Variants in COL22A1 observed in about 807,000 individuals in gnomAD.
COL22A1 encodes collagen type XXII alpha 1 chain.
In COL22A1, 221 loss-of-function variants were observed where a neutral mutation model predicts 248.9. That is an observed-to-expected ratio of 0.89 (90% CI 0.80 to 0.99). The LOEUF is 0.99. COL22A1 is among the 50% of genes least tolerant of loss of function. COL22A1 has a pLI of 0.00. For missense variants in COL22A1, 2,240 were observed against 2,179.0 expected (o/e 1.03, Z -0.56); for synonymous variants, 891 against 793.4 (o/e 1.12, Z -2.07).
intron 55 of COL22A1, among the ~76,000 whole-genome samples, chr8:138,615,465 A>C (rs1203468466): frequency 1.3e-5 from 2 of 150,256 alleles, no homozygotes; most frequent in Non-Finnish European, 2.9e-5. Context: ...CTGAAGGCAG[A>C]GGTTACAGTA....
At chr8:138,748,674 C>T (rs993903262) in intron 22 of COL22A1, among the ~76,000 whole-genome samples, 1 of 152,150 alleles carries the variant, frequency 6.6e-6, no homozygotes, top group African/African-American at 2.4e-5. Context: ...TGTTTTATTC[C>T]TCAAATCTCC....
At chr8:138,720,624 GCCAGGT>G in intron 27 of COL22A1, 109 bp downstream of exon 27, 1 of 859,990 alleles carries the variant, frequency 1.2e-6, no homozygotes, top group South Asian at 1.4e-5. Context: ...TGTGTCTCCT[GCCAGGT>G]CCCAGCTGAT....
chr8:138,656,986 CAGGTAACACG>C lies in COL22A1; in HGVS notation c.3286-1052_3286-1043del, dbSNP rs1823323989. On this transcript the variant is annotated intron_variant, in intron 44 of 64. Coordinates refer to ENST00000303045, the MANE Select transcript of COL22A1 (RefSeq NM_152888.3). ...TCCTGTGGTTAGCAAAACCATGAAA[CAGGTAACACG>C]AGTTTGTTCAAGGTAACTGCTGCAG... Among the ~76,000 whole-genome samples, 7 of 152,286 alleles carry C rather than the reference CAGGTAACACG, an allele frequency of 4.6e-5. No homozygotes were observed. In the South Asian group the frequency reaches 1.5e-3, roughly 32 times the overall value.
intron 53 of COL22A1, among the ~76,000 whole-genome samples, chr8:138,619,233 CTT>C (rs2131930257): frequency 6.6e-6 from 1 of 152,250 alleles, no homozygotes; most frequent in South Asian, 2.1e-4. Context: ...ACATAGAAAA[CTT>C]TGAGCAACAA....
At chr8:138,673,507 C>A (rs1825234334) in intron 41 of COL22A1, among the ~76,000 whole-genome samples, 1 of 152,186 alleles carries the variant, frequency 6.6e-6, no homozygotes, top group Non-Finnish European at 1.5e-5. Flanking sequence ...CCATGCCCGG[C>A]CCCAGCCGGA....
intron 2 of COL22A1, among the ~76,000 whole-genome samples, chr8:138,882,776 C>T (rs1312639172): frequency 1.3e-5 from 2 of 151,894 alleles, no homozygotes; most frequent in East Asian, 3.9e-4. Flanking sequence ...TCGCACACTT[C>T]AAACTCCCAC....
At chr8:138,650,699 TAGATAGATAGATAGATAGAC>T (rs1184684759) in intron 45 of COL22A1, among the ~76,000 whole-genome samples, 1 of 149,236 alleles carries the variant, frequency 6.7e-6, no homozygotes, top group African/African-American at 2.5e-5. Flanking sequence ...GATAGATAGA[TAGATAGATAGATAGATAGAC>T]AGATAGACAG....
intron 2 of COL22A1, among the ~76,000 whole-genome samples, chr8:138,881,212 G>A (rs1824177735): frequency 2.0e-5 from 3 of 150,296 alleles, no homozygotes; most frequent in South Asian, 2.1e-4. Flanking sequence ...GGCTAGATGG[G>A]CACAGAAATC....
chr8:138,769,706 G>T (rs1834205826), intron 16 of COL22A1, among the ~76,000 whole-genome samples: 1 of 152,158 alleles, frequency 6.6e-6, no homozygotes, highest in African/African-American at 2.4e-5. Context: ...GCATCTGTAG[G>T]CACCCAGCAC....
At chr8:138,887,283 G>T (rs1301125841) in intron 1 of COL22A1, among the ~76,000 whole-genome samples, 5 of 150,780 alleles carry the variant, frequency 3.3e-5, no homozygotes. Flanking sequence ...GGAGTGCAGT[G>T]GTGCCATCTC....
intron 37 of COL22A1, among the ~76,000 whole-genome samples, chr8:138,686,359 C>T (rs969765585): frequency 2.6e-5 from 4 of 152,286 alleles, no homozygotes; most frequent in East Asian, 1.9e-4. Context: ...GGTTGAGCCC[C>T]GCGAACCAGA....
At chr8:138,876,080 C>T (rs1443034438) in intron 3 of COL22A1, among the ~76,000 whole-genome samples, 1 of 152,190 alleles carries the variant, frequency 6.6e-6, no homozygotes, top group East Asian at 1.9e-4. Flanking sequence ...CGCATAAACC[C>T]TCCAGCATGT....
intron 11 of COL22A1, among the ~76,000 whole-genome samples, chr8:138,798,287 A>G (rs891087681): frequency 4.0e-5 from 6 of 151,688 alleles, no homozygotes; most frequent in Admixed American, 3.9e-4. Context: ...ATATAATTAG[A>G]TTTATATATG....
chr8:138,653,715 G>A, intron 45 of COL22A1, among the ~76,000 whole-genome samples: 1 of 152,036 alleles, frequency 6.6e-6, no homozygotes, highest in East Asian at 1.9e-4. Context: ...AACTCTCTGG[G>A]GCAGAGACAA....
intron 23 of COL22A1, among the ~76,000 whole-genome samples, chr8:138,737,241 T>C (rs1483562115): frequency 6.6e-6 from 1 of 152,138 alleles, no homozygotes; most frequent in African/African-American, 2.4e-5. Context: ...CCCCTTCGCC[T>C]CCCAGCACTT....
intron 22 of COL22A1, among the ~76,000 whole-genome samples, chr8:138,746,450 G>A (rs1832118412): frequency 6.6e-6 from 1 of 152,234 alleles, no homozygotes; most frequent in African/African-American, 2.4e-5. Flanking sequence ...CGACTGAACA[G>A]GAAGCTGCTT....
At position 138,804,113 on chromosome 8, in the gene COL22A1, A is replaced by C. The variant is rs540513128; in HGVS notation, c.1495-1179T>G. ...TTTCCTGCTCCCTTCCCCCTGGCCT[A>C]TGAGTCCTGGGGACCAGGCTCTCAG... On this transcript the variant is annotated intron_variant, in intron 10 of 64. Transcript: ENST00000303045. Among the ~76,000 whole-genome samples, 5 of 152,192 alleles carry C rather than the reference A, an allele frequency of 3.3e-5. No individual in the cohort carries two copies. In the East Asian group the frequency reaches 9.7e-4, roughly 29 times the overall value.
chr8:138,652,735 GTTTTTTTTTTTTTTT>G lies in COL22A1; in HGVS notation c.3334-2972_3334-2958del, dbSNP rs71316352. Among the ~76,000 whole-genome samples the G allele has an allele frequency of 5.2e-3, 284 of 54,290 alleles. 3 individuals carry two copies. The highest frequency in any genetic ancestry group is 0.016 in the African/African-American group (273 of 16,916). The allele number at this position is 54,290 out of a possible 152,430, so 35.6% of individuals were successfully genotyped here. A position where few individuals can be genotyped will look rare whatever the true frequency, so the allele number is the denominator to read the frequency against. On this transcript the variant is annotated intron_variant, in intron 45 of 64. Coordinates refer to ENST00000303045, the MANE Select transcript of COL22A1 (RefSeq NM_152888.3). ...TAAAATATTTTCTTTTCCTTTTCTG[GTTTTTTTTTTTTTTT>G]TTTTTTTTTTTTTGGAGACAGAGTC...
At chr8:138,739,028 G>A (rs562695609) in intron 22 of COL22A1, among the ~76,000 whole-genome samples, 1 of 152,290 alleles carries the variant, frequency 6.6e-6, no homozygotes, top group African/African-American at 2.4e-5. Flanking sequence ...AACCACTGCA[G>A]TAGCCTTCTA....
Sources: allele counts gnomAD v4.1 joint callset (sites outside exome capture counted in the v4.1 genomes callset), GRCh38; gene constraint gnomAD v4.1.1; transcripts MANE v1.5; gene names NCBI Gene and HGNC (gene_info 2026-07-23, HGNC 2026-07-21).